The following RAPGEF5 variants were observed in gnomAD, a reference collection of about 807,000 sequenced individuals.
The protein encoded by RAPGEF5 is Rap guanine nucleotide exchange factor 5.
A neutral mutation model predicts 125.2 loss-of-function variants in RAPGEF5; 65 were observed. The ratio of observed to expected loss-of-function variants is 0.52; its 90% CI spans 0.43 to 0.64. RAPGEF5 has a LOEUF of 0.64. Among genes scored for constraint, RAPGEF5 ranks in the 30% least tolerant of loss-of-function variants. The pLI is 0.00. For synonymous variants in RAPGEF5, 391 were observed against 385.9 expected, an observed-to-expected ratio of 1.01 and a Z score of -0.16; for missense variants, 958 against 1,048.1, an observed-to-expected ratio of 0.91 and a Z score of 1.19.
At chr7:22,128,948 T>G (rs1258497206) in intron 24 of RAPGEF5, among the ~76,000 whole-genome samples, 1 of 152,234 alleles carries the variant, frequency 6.6e-6, no homozygotes, top group Admixed American at 6.5e-5. Flanking sequence ...GTATGATGAT[T>G]GACCCTAATA....
At chr7:22,174,283 C>A (rs933472685) in intron 11 of RAPGEF5, among the ~76,000 whole-genome samples, 2 of 152,156 alleles carry the variant, frequency 1.3e-5, no homozygotes, top group Non-Finnish European at 2.9e-5. Flanking sequence ...AAAGGAGAAG[C>A]AAATGTGAGC....
chr7:22,277,834 T>G (rs1037766591), intron 6 of RAPGEF5, among the ~76,000 whole-genome samples: 4 of 152,194 alleles, frequency 2.6e-5, no homozygotes, highest in African/African-American at 9.7e-5. Flanking sequence ...AGTTCTCTCC[T>G]TTATTTTAAA....
At chr7:22,236,802 C>T (rs148993223) in intron 7 of RAPGEF5, among the ~76,000 whole-genome samples, 37 of 152,284 alleles carry the variant, frequency 2.4e-4, no homozygotes, top group Non-Finnish European at 5.0e-4. Context: ...GAGGGTCACA[C>T]GGAGATAAAT....
chr7:22,290,259 T>C (rs1466355980), intron 6 of RAPGEF5, among the ~76,000 whole-genome samples: 1 of 152,158 alleles, frequency 6.6e-6, no homozygotes, highest in African/African-American at 2.4e-5. Flanking sequence ...AAAGCAGAAC[T>C]AAATAATTTT....
intron 7 of RAPGEF5, among the ~76,000 whole-genome samples, chr7:22,244,548 C>T (rs1786427293): frequency 6.6e-6 from 1 of 152,000 alleles, no homozygotes; most frequent in Non-Finnish European, 1.5e-5. Context: ...TCTCCCATCA[C>T]CCCCAGATGG....
intron 9 of RAPGEF5, among the ~76,000 whole-genome samples, 196 bp from the exon 10 acceptor site, chr7:22,194,229 A>G (rs1014735276): frequency 2.6e-5 from 4 of 152,204 alleles, no homozygotes; most frequent in Non-Finnish European, 2.9e-5. Flanking sequence ...CTCAAGTGCT[A>G]TGAAAACTTA....
At chr7:22,251,409 T>C (rs1008797722) in intron 7 of RAPGEF5, among the ~76,000 whole-genome samples, 4 of 152,208 alleles carry the variant, frequency 2.6e-5, no homozygotes, top group African/African-American at 7.2e-5. Flanking sequence ...TAATGGCCTC[T>C]TGGGCCCTGC....
In RAPGEF5 at chr7:22,319,164, A is replaced by G. The variant is rs570336433; in HGVS notation, c.232-1127T>C. Among the ~76,000 whole-genome samples the G allele has an allele frequency of 1.2e-4, 18 of 152,326 alleles. No homozygotes were observed. The East Asian group carries it at 3.3e-3, about 28-fold the overall frequency. ...TTCCTATTGCAGTATTAAAAAAAGA[A>G]CAGAGAAACTAACATTTATTGAACT... On this transcript the variant is annotated intron_variant, in intron 1 of 25. Coordinates refer to ENST00000665637, the MANE Select transcript of RAPGEF5 (RefSeq NM_012294.5).
intron 1 of RAPGEF5, among the ~76,000 whole-genome samples, chr7:22,348,898 C>G (rs1784275781): frequency 1.3e-5 from 2 of 152,018 alleles, no homozygotes; most frequent in South Asian, 2.1e-4. Context: ...ACCAGCCTGG[C>G]CAACGTGGCA....
chr7:22,269,308 CA>C (rs1399124862), intron 6 of RAPGEF5, among the ~76,000 whole-genome samples: 32 of 151,924 alleles, frequency 2.1e-4, no homozygotes, highest in Admixed American at 1.8e-3. Context: ...AGCATCTTCA[CA>C]GTTCTTTTTT....
At chr7:22,194,258 A>C (rs1391219844) in intron 9 of RAPGEF5, among the ~76,000 whole-genome samples, 1 of 152,164 alleles carries the variant, frequency 6.6e-6, no homozygotes, top group Non-Finnish European at 1.5e-5. Context: ...GACAGACATA[A>C]ATACTTTAAA....
intron 11 of RAPGEF5, among the ~76,000 whole-genome samples, chr7:22,184,162 T>C (rs1280855026): frequency 2.0e-5 from 3 of 152,204 alleles, no homozygotes; most frequent in African/African-American, 7.2e-5. Context: ...AATTACCCAA[T>C]GTCTTATTTT....
chr7:22,330,635 T>C (rs1783898609), intron 1 of RAPGEF5, among the ~76,000 whole-genome samples: 1 of 152,134 alleles, frequency 6.6e-6, no homozygotes, highest in African/African-American at 2.4e-5. Flanking sequence ...AATAATCAAA[T>C]CTAACAACAT....
intron 7 of RAPGEF5, among the ~76,000 whole-genome samples, chr7:22,246,245 T>TA (rs879623610): frequency 2.6e-5 from 4 of 151,876 alleles, no homozygotes; most frequent in Admixed American, 2.6e-4. Flanking sequence ...TCATATGGAA[T>TA]AAAAAAAGAG....
chr7:22,338,325 A>G (rs974021235), intron 1 of RAPGEF5, among the ~76,000 whole-genome samples: 3 of 152,098 alleles, frequency 2.0e-5, no homozygotes, highest in Non-Finnish European at 4.4e-5. Flanking sequence ...TCACCTCCAC[A>G]CTGAAGTTTT....
intron 23 of RAPGEF5, among the ~76,000 whole-genome samples, chr7:22,132,997 T>C (rs926966971): frequency 1.3e-5 from 2 of 152,226 alleles, no homozygotes; most frequent in Admixed American, 1.3e-4. Context: ...TGGAAAGGAC[T>C]TGGCTTTTCT....
chr7:22,280,781 G>T (rs17775115), intron 6 of RAPGEF5, among the ~76,000 whole-genome samples: 1 of 151,980 alleles, frequency 6.6e-6, no homozygotes, highest in East Asian at 1.9e-4. Flanking sequence ...TTATGTCTGG[G>T]AATGTTTCTC....
chr7:22,283,156 TG>T (rs1439950922), intron 6 of RAPGEF5, among the ~76,000 whole-genome samples: 1 of 151,936 alleles, frequency 6.6e-6, no homozygotes, highest in Non-Finnish European at 1.5e-5. Flanking sequence ...TTTAGAAAAA[TG>T]ATAAAGTCTT....
chr7:22,250,019 T>A (rs1195249036), intron 7 of RAPGEF5, among the ~76,000 whole-genome samples: 6 of 152,214 alleles, frequency 3.9e-5, no homozygotes, highest in African/African-American at 1.4e-4. Flanking sequence ...GGGACTTTGA[T>A]GCGGCTATCA....
Sources: gnomAD v4.1 joint callset for allele counts (sites outside exome capture counted in the v4.1 genomes callset) on GRCh38, gnomAD v4.1.1 for gene constraint, MANE v1.5 for transcripts, NCBI Gene and HGNC (gene_info 2026-07-23, HGNC 2026-07-21) for gene names.